The following CASK variants were observed in gnomAD, a reference collection of about 807,000 sequenced individuals.
CASK encodes calcium/calmodulin dependent serine protein kinase, also known as peripheral plasma membrane protein CASK.
CASK carries 4 observed loss-of-function variants against 82.9 expected under a neutral mutation model. The ratio of observed to expected loss-of-function variants is 0.05; its 90% confidence interval spans 0.02 to 0.11. CASK has a LOEUF of 0.11. Among genes scored for constraint, CASK ranks in the 10% least tolerant of loss-of-function variants. The pLI, the probability that CASK is intolerant of heterozygous loss-of-function variation, is 1.00. For missense variants in CASK, 358 were observed against 720.9 expected (o/e 0.50, Z 5.76); for synonymous variants, 259 against 253.5 (o/e 1.02, Z -0.20).
chrX:41,851,585 T>C (rs1247235220), intron 2 of CASK, among the ~76,000 whole-genome samples: 1 of 111,822 alleles, frequency 8.9e-6, no homozygotes, highest in African/African-American at 3.2e-5. Flanking sequence ...CCCGAAAGAA[T>C]GTCTTTAGCC....
chrX:41,787,334 T>C (rs768986828), intron 2 of CASK, 51 bp from the exon 3 acceptor site: 1 of 710,274 alleles, frequency 1.4e-6, no homozygotes, highest in African/African-American at 2.1e-5. Flanking sequence ...AAAAGACAAT[T>C]AGAGTGAATG....
At chrX:41,792,014 A>G (rs1316102124) in intron 2 of CASK, among the ~76,000 whole-genome samples, 1 of 111,333 alleles carries the variant, frequency 9.0e-6, no homozygotes, top group Non-Finnish European at 1.9e-5. Flanking sequence ...TCAACCTGCC[A>G]TATGGCATTA....
At chrX:41,653,714 C>T (rs753628874) in intron 8 of CASK, among the ~76,000 whole-genome samples, 2 of 112,557 alleles carry the variant, frequency 1.8e-5, no homozygotes, top group Non-Finnish European at 3.8e-5. Context: ...GAAATTGTCT[C>T]ATTTCATAGA....
At chrX:41,554,388 C>A (rs2147139704) in intron 20 of CASK, among the ~76,000 whole-genome samples, 1 of 111,986 alleles carries the variant, frequency 8.9e-6, no homozygotes, top group South Asian at 3.6e-4. Flanking sequence ...GGGTTGGTAT[C>A]TTGCTGTAGA....
chrX:41,644,062 A>G (rs1231066371), intron 8 of CASK, among the ~76,000 whole-genome samples: 1 of 112,061 alleles, frequency 8.9e-6, no homozygotes, highest in Non-Finnish European at 1.9e-5. Flanking sequence ...TTCTGTTTAT[A>G]TGATGGATTA....
chrX:41,642,703 TTC>T (rs1247926119), intron 8 of CASK, among the ~76,000 whole-genome samples: 1 of 112,237 alleles, frequency 8.9e-6, no homozygotes, highest in Non-Finnish European at 1.9e-5. Flanking sequence ...AGGTTGCCTG[TTC>T]ACTCTGACAG....
intron 3 of CASK, among the ~76,000 whole-genome samples, chrX:41,774,450 C>A (rs1011820253): frequency 2.7e-5 from 3 of 111,363 alleles, no homozygotes; most frequent in Non-Finnish European, 5.7e-5. Flanking sequence ...GTGAAAATGG[C>A]CATACTGCCC....
intron 1 of CASK, among the ~76,000 whole-genome samples, chrX:41,875,497 C>A (rs1601930411): frequency 9.0e-6 from 1 of 111,512 alleles, no homozygotes; most frequent in Non-Finnish European, 1.9e-5. Context: ...ATTTCACTTT[C>A]ACCCATAACC....
intron 8 of CASK, among the ~76,000 whole-genome samples, chrX:41,642,590 G>T (rs2066677972): frequency 8.9e-6 from 1 of 112,049 alleles, no homozygotes; most frequent in Non-Finnish European, 1.9e-5. Context: ...TTTTGATGGG[G>T]TTGTTTGATT....
At chrX:41,647,323 G>C (rs1238985672) in intron 8 of CASK, among the ~76,000 whole-genome samples, 1 of 112,247 alleles carries the variant, frequency 8.9e-6, no homozygotes, top group Non-Finnish European at 1.9e-5. Context: ...TCTAGGTAAA[G>C]AAGATAATTT....
At chrX:41,828,489 C>A (rs2070716872) in intron 2 of CASK, among the ~76,000 whole-genome samples, 1 of 111,745 alleles carries the variant, frequency 8.9e-6, no homozygotes, top group Non-Finnish European at 1.9e-5. Context: ...AAATACTACA[C>A]ATTATAGAGA....
rs752458518 is a variant in CASK, at chrX:41,867,578, T to G, written c.60-14351A>C. Among the ~76,000 whole-genome samples, 4 of 112,707 alleles carry G rather than the reference T, an allele frequency of 3.5e-5. No individual in the cohort carries two copies. The South Asian group carries it at 1.5e-3, about 41-fold the overall frequency. On this transcript the variant is annotated intron_variant, in intron 1 of 26. Coordinates refer to ENST00000378163, the MANE Select transcript of CASK (RefSeq NM_001367721.1). ...TAATTGTTTTACTAGAGACATTGATTGCTAATTCAAAATCCTTCCAGTGAT... is the reference window on the plus strand; with the variant it reads ...TAATTGTTTTACTAGAGACATTGATGGCTAATTCAAAATCCTTCCAGTGAT...
chrX:41,754,307 G>A (rs2068851703), intron 3 of CASK, among the ~76,000 whole-genome samples: 2 of 110,579 alleles, frequency 1.8e-5, no homozygotes, highest in South Asian at 3.9e-4. Context: ...AGGCTGAGAC[G>A]GCCAAATTGC....
At chrX:41,624,827 A>T (rs1393947161) in intron 10 of CASK, among the ~76,000 whole-genome samples, 3 of 111,520 alleles carry the variant, frequency 2.7e-5, no homozygotes, top group Non-Finnish European at 5.6e-5. Context: ...CTATATTACT[A>T]ACTGTGGGAC....
chrX:41,700,064 CA>C (rs1430779018), intron 5 of CASK, among the ~76,000 whole-genome samples: 1 of 111,770 alleles, frequency 8.9e-6, no homozygotes, highest in East Asian at 2.8e-4. Flanking sequence ...CTCATACATG[CA>C]AAACCAAATA....
intron 14 of CASK, among the ~76,000 whole-genome samples, chrX:41,579,182 T>C (rs1199502407): frequency 1.8e-5 from 2 of 112,039 alleles, no homozygotes; most frequent in Non-Finnish European, 3.8e-5. Context: ...ATGACGCTTT[T>C]ATATAACCCA....
intron 1 of CASK, among the ~76,000 whole-genome samples, chrX:41,881,929 C>T (rs2071960502): frequency 9.0e-6 from 1 of 111,160 alleles, no homozygotes; most frequent in Non-Finnish European, 1.9e-5. Context: ...GCCTGGTAAC[C>T]CTGGGCAAGT....
At chrX:41,661,421 G>A (rs2067030852) in intron 7 of CASK, among the ~76,000 whole-genome samples, 1 of 111,356 alleles carries the variant, frequency 9.0e-6, no homozygotes, top group Admixed American at 9.6e-5. Context: ...CCCAGTGCCA[G>A]GACCTTCAAG....
At chrX:41,744,568 T>C (rs965817999) in intron 4 of CASK, among the ~76,000 whole-genome samples, 1 of 110,217 alleles carries the variant, frequency 9.1e-6, no homozygotes, top group Non-Finnish European at 1.9e-5. Context: ...ATGGTCTCCA[T>C]CTCCTGACCT....
Sources: allele counts gnomAD v4.1 joint callset (sites outside exome capture counted in the v4.1 genomes callset), GRCh38; gene constraint gnomAD v4.1.1; transcripts MANE v1.5; gene names NCBI Gene and HGNC (gene_info 2026-07-23, HGNC 2026-07-21).